Variants in OR8K3 observed in about 807,000 individuals in gnomAD.
OR8K3 encodes olfactory receptor 8K3.
For missense variants in OR8K3, 448 were observed against 367.4 expected (o/e 1.22, Z -1.79); for synonymous variants, 167 against 138.8 (o/e 1.20, Z -1.43).
intron 1 of OR8K3, among the ~76,000 whole-genome samples, chr11:56,315,538 AG>A (rs1180175873): frequency 1.3e-5 from 2 of 152,172 alleles, no homozygotes; most frequent in Non-Finnish European, 2.9e-5. Context: ...TTTTAATGAA[AG>A]AATGGAGAAA....
intron 2 of OR8K3, among the ~76,000 whole-genome samples, chr11:56,316,856 C>T (rs1854450459): frequency 6.6e-6 from 1 of 151,850 alleles, no homozygotes; most frequent in African/African-American, 2.4e-5. Context: ...ACAAACTTAA[C>T]GTTCACATTC....
rs1854508826 is a variant in OR8K3, at chr11:56,320,341, T to C, written c.*1096T>C. 1 of 152,244 alleles carries C rather than the reference T, an allele frequency of 6.6e-6. No homozygotes were observed. The highest frequency in any genetic ancestry group is 6.5e-5 in the Admixed American group (1 of 15,288). The allele number at this position is 152,244 out of a possible 1,614,324, so 9.4% of individuals were successfully genotyped here. On this transcript the variant is annotated 3_prime_UTR_variant, in exon 3 of 3. Transcript: ENST00000641662. Reference sequence around the variant, plus strand: ...TCTGCTGGCTATTACAGATGTCCTTTGACAGTTACAGACCTTCACCATGCA... The same window carrying C: ...TCTGCTGGCTATTACAGATGTCCTTCGACAGTTACAGACCTTCACCATGCA...
At chr11:56,317,847 C>T (rs552853050) in intron 2 of OR8K3, among the ~76,000 whole-genome samples, 3 of 152,066 alleles carry the variant, frequency 2.0e-5, no homozygotes, top group South Asian at 2.1e-4. Context: ...CATCCATAAT[C>T]TATCTATCTA....
intron 2 of OR8K3, among the ~76,000 whole-genome samples, chr11:56,317,123 GA>G (rs1244132226): frequency 6.6e-6 from 1 of 151,892 alleles, no homozygotes; most frequent in African/African-American, 2.4e-5. Context: ...TCCTAACAAA[GA>G]AGTTAATTCA....
chr11:56,316,925 A>G (rs530431528), intron 2 of OR8K3, among the ~76,000 whole-genome samples: 123 of 152,158 alleles, frequency 8.1e-4, no homozygotes, highest in African/African-American at 2.7e-3. Context: ...ATGTTTTAAT[A>G]AAGTTTATAT....
chr11:56,318,303 C>G lies in OR8K3; in HGVS notation c.-4C>G, dbSNP rs764582514. 6.2e-7 allele frequency: 1 copy of G among 1,604,684 alleles called. No homozygotes were observed. The highest frequency in any genetic ancestry group is 2.2e-5 in the East Asian group (1 of 44,800). Reference sequence around the variant, plus strand: ...TATCAGAATAGGTTTTCTGATGAACCTGGATGGAACAACACAATCTAACAA... The same window carrying G: ...TATCAGAATAGGTTTTCTGATGAACGTGGATGGAACAACACAATCTAACAA... On this transcript the variant is annotated 5_prime_UTR_variant, in exon 3 of 3. Coordinates refer to ENST00000641662, the MANE Select transcript of OR8K3 (RefSeq NM_001005202.2).
chr11:56,316,968 G>C (rs11227874), intron 2 of OR8K3, among the ~76,000 whole-genome samples: 3 of 151,594 alleles, frequency 2.0e-5, no homozygotes, highest in African/African-American at 7.3e-5. Context: ...TATTAAATTC[G>C]TTGTGAAAAA....
In OR8K3 at chr11:56,319,231, A is replaced by C; in HGVS notation, c.925A>C (p.Asn309His). The stretch of plus-strand genomic sequence containing the variant: ...ACGAAGGACATGGAATAACTTATGT[A>C]ATATTTTTGTTTAAATTTTGTACAA... ...ALRRTWNNLC[N>H]IFV The change falls in exon 3 of 3, where the codon AAT becomes CAT. Residue 309 changes from asparagine to histidine, a missense_variant. Transcript: ENST00000641662. The C allele has an allele frequency of 1.3e-6, 2 of 1,592,760 alleles. No homozygotes were observed. The highest frequency in any genetic ancestry group is 1.1e-5 in the South Asian group (1 of 90,242).
intron 1 of OR8K3, among the ~76,000 whole-genome samples, 152 bp downstream of exon 1, chr11:56,315,319 GT>G (rs1210449450): frequency 6.6e-6 from 1 of 152,074 alleles, no homozygotes; most frequent in East Asian, 1.9e-4. Context: ...CGGGATTTCT[GT>G]TACTCAATAA....
chr11:56,316,907 G>A (rs1209608744), intron 2 of OR8K3, among the ~76,000 whole-genome samples: 1 of 151,798 alleles, frequency 6.6e-6, no homozygotes, highest in Non-Finnish European at 1.5e-5. Context: ...AAAACTATGG[G>A]AAGATTAATG....
rs140755054 is a variant in OR8K3 at position 56,319,607 on chromosome 11, T to C, written c.*362T>C. The C allele has an allele frequency of 8.1e-4, 153 of 189,684 alleles. 1 individual carries two copies. The highest frequency in any genetic ancestry group is 2.2e-3 in the Admixed American group (41 of 18,712). The allele number at this position is 189,684 out of a possible 1,614,324, so 11.8% of individuals were successfully genotyped here. ...GATTCCAGTGTTTTTTATCTGCTAC[T>C]GGAATAAAATTTACAGTGTGTGTGC... On this transcript the variant is annotated 3_prime_UTR_variant, in exon 3 of 3. Transcript: ENST00000641662.
rs1485873742 is a variant in OR8K3 at position 56,319,004 on chromosome 11, G to C, written c.698G>C (p.Arg233Thr). 4 of 1,614,028 alleles carry C rather than the reference G, an allele frequency of 2.5e-6. No individual in the cohort carries two copies. The highest frequency in any genetic ancestry group is 3.4e-6 in the Non-Finnish European group (4 of 1,180,018). The change falls in exon 3 of 3, where the codon AGA becomes ACA. Residue 233 changes from arginine (R) to threonine (T), a missense_variant. Physicochemically the swap from Arg to Thr is moderately conservative, Grantham distance 71 (BLOSUM62 -1). Transcript: ENST00000641662. ...ATTCTCAGGATGAATTCTGCTGGCA[G>C]ACAAAAGGCTTTTTCTACCTGTGGA... is the stretch of plus-strand genomic sequence containing the variant. ...VAILRMNSAG[R>T]QKAFSTCGAH...
chr11:56,319,586 C>T lies in OR8K3; in HGVS notation c.*341C>T. On this transcript the variant is annotated 3_prime_UTR_variant, in exon 3 of 3. Transcript: ENST00000641662. ...ATTACAGAAGGGAGTTACGAGGATT[C>T]CAGTGTTTTTTATCTGCTACTGGAA... The T allele has an allele frequency of 4.9e-6, 1 of 202,844 alleles. No homozygotes were observed. Among genetic ancestry groups the T allele is most frequent in the South Asian group, 1.2e-4 (1 of 8,132 alleles). 12.6% of individuals were successfully genotyped at this position (202,844 alleles called of 1,614,324 possible).
At chr11:56,315,247 A>C (rs1310090007) in intron 1 of OR8K3, 80 bp downstream of exon 1, 1 of 152,076 alleles carries the variant, frequency 6.6e-6, no homozygotes, top group Non-Finnish European at 1.5e-5. Flanking sequence ...ACATTGGAAA[A>C]CTGCCACTTT....
Position 56,319,629 on chromosome 11 carries a change from G to A in OR8K3, c.*384G>A, listed in dbSNP as rs1035678598. ...TACTGGAATAAAATTTACAGTGTGT[G>A]TGCTTCTGTATGTTTCTGTTTGTGT... On this transcript the variant is annotated 3_prime_UTR_variant, in exon 3 of 3. Transcript: ENST00000641662. The A allele has an allele frequency of 3.9e-5, 7 of 180,190 alleles. No individual in the cohort carries two copies. In the East Asian group the frequency reaches 8.7e-4, roughly 22 times the overall value. 11.2% of individuals were successfully genotyped at this position (180,190 alleles called of 1,614,324 possible). A position where few individuals can be genotyped will look rare whatever the true frequency, so the allele number is the denominator to read the frequency against.
rs75030552 is a variant in OR8K3, at chr11:56,315,945, G to C, written c.-81-55G>C. On this transcript the variant is annotated intron_variant, in intron 1 of 2. Coordinates refer to ENST00000641662, the MANE Select transcript of OR8K3 (RefSeq NM_001005202.2). Reference sequence around the variant, plus strand: ...GATTGTAGCTTTAAAAAATGCAATTGATATTCAACAAAGACAGCAAAATAT... The same window carrying C: ...GATTGTAGCTTTAAAAAATGCAATTCATATTCAACAAAGACAGCAAAATAT... 453 of 151,998 alleles carry C rather than the reference G, an allele frequency of 3.0e-3. 4 individuals are homozygous for C. Among genetic ancestry groups the C allele is most frequent in the African/African-American group, 0.011 (448 of 41,514 alleles). 9.4% of individuals were successfully genotyped at this position (151,998 alleles called of 1,614,324 possible).
rs201367606 is a variant in OR8K3, at chr11:56,318,469, T to A, written c.163T>A (p.Leu55Met). The A allele has an allele frequency of 1.9e-6, 3 of 1,614,140 alleles. No individual in the cohort carries two copies. The East Asian group carries it at 6.7e-5, about 36-fold the overall frequency. Residue 55 changes from leucine (L) to methionine (M), a missense_variant, in exon 3 of 3, where the codon TTG becomes ATG. Transcript: ENST00000641662. The stretch of plus-strand genomic sequence containing the variant: ...TGTCCTCACCAAGTTGGACTCCAGG[T>A]TGCAAACCCCTATGTACTTTTTTCT... Reference protein sequence around the residue: ...MIVLTKLDSRLQTPMYFFLRH... With the variant: ...MIVLTKLDSRMQTPMYFFLRH...
intron 2 of OR8K3, among the ~76,000 whole-genome samples, chr11:56,318,075 T>TG (rs1234673384): frequency 1.3e-5 from 2 of 152,206 alleles, no homozygotes; most frequent in African/African-American, 2.4e-5. Context: ...AAAATGTTTT[T>TG]GGGTGAGTAA....
rs566624898 is a variant in OR8K3 at position 56,320,284 on chromosome 11, G to A, written c.*1039G>A. ...TTCTACTTGTACAAAGCAAATAAAA[G>A]TAATAAAATGCACTACACCATACTG... On this transcript the variant is annotated 3_prime_UTR_variant, in exon 3 of 3. Coordinates refer to ENST00000641662, the MANE Select transcript of OR8K3 (RefSeq NM_001005202.2). 1 of 152,284 alleles carries A rather than the reference G, an allele frequency of 6.6e-6. No individual in the cohort carries two copies. Among genetic ancestry groups the A allele is most frequent in the African/African-American group, 2.4e-5 (1 of 41,556 alleles). The allele number at this position is 152,284 out of a possible 1,614,324, so 9.4% of individuals were successfully genotyped here.
Sources: gnomAD v4.1 joint callset for allele counts (sites outside exome capture counted in the v4.1 genomes callset) on GRCh38, gnomAD v4.1.1 for gene constraint, MANE v1.5 for transcripts, NCBI Gene and HGNC (gene_info 2026-07-23, HGNC 2026-07-21) for gene names.